The following PELI2 variants were observed in gnomAD, a reference collection of about 807,000 sequenced individuals.
The protein encoded by PELI2 is pellino E3 ubiquitin protein ligase family member 2, also known as E3 ubiquitin-protein ligase pellino homolog 2.
A neutral mutation model predicts 42.3 loss-of-function variants in PELI2; 23 were observed. That is an observed-to-expected ratio of 0.54 (90% CI 0.39 to 0.77). PELI2 has a LOEUF of 0.77. Among genes scored for constraint, PELI2 ranks in the 30% least tolerant of loss-of-function variants. PELI2 has a pLI of 0.00. For synonymous variants in PELI2, 245 were observed against 212.2 expected, an observed-to-expected ratio of 1.15 and a Z score of -1.34; for missense variants, 463 against 553.2, an observed-to-expected ratio of 0.84 and a Z score of 1.64.
chr14:56,237,687 A>C (rs767622644), intron 2 of PELI2, among the ~76,000 whole-genome samples: 1 of 149,722 alleles, frequency 6.7e-6, no homozygotes, highest in Non-Finnish European at 1.5e-5. Context: ...CCTCTATTTG[A>C]TATCTAGTGT....
chr14:56,132,521 C>A (rs767962068), intron 1 of PELI2, among the ~76,000 whole-genome samples: 2 of 152,118 alleles, frequency 1.3e-5, no homozygotes, highest in African/African-American at 2.4e-5. Context: ...GCTGGAGTCA[C>A]CCCCGCCCTG....
chr14:56,220,329 A>G (rs1015490805), intron 2 of PELI2, among the ~76,000 whole-genome samples: 7 of 152,276 alleles, frequency 4.6e-5, no homozygotes, highest in African/African-American at 1.7e-4. Flanking sequence ...CACAGATGAC[A>G]ATCTGGCCGG....
At chr14:56,191,410 T>A (rs1885944016) in intron 2 of PELI2, among the ~76,000 whole-genome samples, 1 of 152,228 alleles carries the variant, frequency 6.6e-6, no homozygotes, top group African/African-American at 2.4e-5. Flanking sequence ...AGTAGAATCC[T>A]CAGGTGGGAA....
At chr14:56,245,226 C>T (rs1198063567) in intron 2 of PELI2, among the ~76,000 whole-genome samples, 1 of 152,116 alleles carries the variant, frequency 6.6e-6, no homozygotes, top group Non-Finnish European at 1.5e-5. Context: ...CAAAACACTG[C>T]AACAGTTACC....
chr14:56,241,411 A>G (rs1373478086), intron 2 of PELI2, among the ~76,000 whole-genome samples: 3 of 152,192 alleles, frequency 2.0e-5, no homozygotes, highest in Non-Finnish European at 4.4e-5. Flanking sequence ...GCAGAAAGTT[A>G]TAGAGAAGTA....
At chr14:56,152,547 A>G (rs1434244015) in intron 1 of PELI2, among the ~76,000 whole-genome samples, 5 of 152,084 alleles carry the variant, frequency 3.3e-5, no homozygotes, top group Non-Finnish European at 5.9e-5. Context: ...AACTTACTAT[A>G]ATTATTGAAG....
intron 2 of PELI2, among the ~76,000 whole-genome samples, chr14:56,211,753 T>A (rs2139729220): frequency 6.6e-6 from 1 of 152,362 alleles, no homozygotes; most frequent in South Asian, 2.1e-4. Context: ...GGTTGCCAGA[T>A]GGCTGAATTC....
chr14:56,209,943 G>A (rs1479184379), intron 2 of PELI2, among the ~76,000 whole-genome samples: 3 of 152,188 alleles, frequency 2.0e-5, no homozygotes, highest in Admixed American at 6.5e-5. Context: ...GAGATAAAGA[G>A]TTGAAGTTAA....
intron 2 of PELI2, among the ~76,000 whole-genome samples, chr14:56,222,503 G>T (rs754690): frequency 0.92 from 140,858 of 152,332 alleles, 65,491 homozygotes; most frequent in African/African-American, 0.98. Flanking sequence ...AACCCTTCAT[G>T]TATTTCCATT....
chr14:56,279,761 A>C lies in PELI2; in HGVS notation c.293A>C (p.Asp98Ala), dbSNP rs775282123. 6.4e-7 allele frequency: 1 copy of C among 1,562,854 alleles called. No homozygotes were observed. Among genetic ancestry groups the C allele is most frequent in the Non-Finnish European group, 8.8e-7 (1 of 1,136,166 alleles). ...GTGGTGGAGTACACACATGATAAGGATACGGATATGTTTCAGGTAATATTT... is the reference window on the plus strand; with the variant it reads ...GTGGTGGAGTACACACATGATAAGGCTACGGATATGTTTCAGGTAATATTT... ...TVVVEYTHDK[D>A]TDMFQVGRST... Residue 98 changes from aspartate to alanine, a missense_variant, in exon 3 of 6, where the codon GAT (aspartate) becomes GCT (alanine). Coordinates refer to ENST00000267460, the MANE Select transcript of PELI2 (RefSeq NM_021255.3).
chr14:56,124,061 C>G (rs980795744), intron 1 of PELI2, among the ~76,000 whole-genome samples: 1 of 152,142 alleles, frequency 6.6e-6, no homozygotes, highest in South Asian at 2.1e-4. Context: ...GTGCAGAAAT[C>G]TATTTTATAA....
At chr14:56,224,892 G>A (rs1324100029) in intron 2 of PELI2, among the ~76,000 whole-genome samples, 2 of 151,976 alleles carry the variant, frequency 1.3e-5, no homozygotes, top group Admixed American at 6.6e-5. Flanking sequence ...CCTTCTCTGG[G>A]TCCCCTCCTA....
rs114683968 is a variant in PELI2, at chr14:56,229,176, C to G, written c.208-50500C>G. On this transcript the variant is annotated intron_variant, in intron 2 of 5. Transcript: ENST00000267460. ...CTCCACCTGTGGGGGCAGGGAATAG[C>G]TGAACAAAAGGCAGCAGAAGCTTTT... Among the ~76,000 whole-genome samples the G allele has an allele frequency of 2.6e-3, 402 of 152,334 alleles. 1 individual carries two copies. Among genetic ancestry groups the G allele is most frequent in the African/African-American group, 9.3e-3 (388 of 41,584 alleles).
chr14:56,288,441 G>A lies in PELI2; in HGVS notation c.314G>A (p.Gly105Asp). The change falls in exon 4 of 6, where the codon GGC (glycine) becomes GAC (aspartate). Residue 105 changes from glycine to aspartate, a missense_variant. By Grantham distance (94) the Gly-to-Asp change is moderately conservative. This residue lies in a region of PELI2 where 343 missense variants were observed against 378.4 expected (regional missense o/e 0.91). Coordinates refer to ENST00000267460, the MANE Select transcript of PELI2 (RefSeq NM_021255.3). The surrounding 1 kb of genome is among the most constrained non-coding windows in gnomAD (Gnocchi z 4.6). ...GAGTACATTTGATTTACTTAGGTGG[G>A]CAGATCAACAGAAAGCCCTATCGAC... The part of the protein sequence containing the change: ...HDKDTDMFQV[G>D]RSTESPIDFV... 6.2e-7 allele frequency: 1 copy of A among 1,612,910 alleles called. No individual in the cohort carries two copies. The highest frequency in any genetic ancestry group is 8.5e-7 in the Non-Finnish European group (1 of 1,179,160).
chr14:56,285,408 A>G (rs769215332), intron 3 of PELI2, among the ~76,000 whole-genome samples: 2 of 152,178 alleles, frequency 1.3e-5, no homozygotes, highest in South Asian at 2.1e-4. Flanking sequence ...TCTGTTTGGC[A>G]TATATTACAT....
At chr14:56,134,217 A>C (rs909570069) in intron 1 of PELI2, among the ~76,000 whole-genome samples, 1 of 152,232 alleles carries the variant, frequency 6.6e-6, no homozygotes, top group Non-Finnish European at 1.5e-5. Context: ...AGTCATGAGT[A>C]CAGAGATGTG....
chr14:56,258,740 G>A (rs1211430558), intron 2 of PELI2, among the ~76,000 whole-genome samples: 2 of 152,078 alleles, frequency 1.3e-5, no homozygotes, highest in African/African-American at 4.8e-5. Context: ...GTATATATCA[G>A]GTGGTCTCAA....
At chr14:56,176,538 C>G (rs937865721) in intron 1 of PELI2, among the ~76,000 whole-genome samples, 2 of 152,214 alleles carry the variant, frequency 1.3e-5, no homozygotes, top group Admixed American at 1.3e-4. Flanking sequence ...CGAACCTTCA[C>G]TTGACCAAAG....
intron 2 of PELI2, among the ~76,000 whole-genome samples, chr14:56,244,155 C>G (rs2139800710): frequency 6.6e-6 from 1 of 152,270 alleles, no homozygotes; most frequent in African/African-American, 2.4e-5. Flanking sequence ...AACAAAACCT[C>G]AGAGGCATCA....
Sources: gnomAD v4.1 joint callset for allele counts (sites outside exome capture counted in the v4.1 genomes callset) on GRCh38, gnomAD v4.1.1 for gene constraint, gnomAD v4.1.1 regional missense constraint, Gnocchi (gnomAD v3.1) non-coding constraint, MANE v1.5 for transcripts, NCBI Gene and HGNC (gene_info 2026-07-23, HGNC 2026-07-21) for gene names.